The following CEP250 variants were observed in gnomAD, a reference collection of about 807,000 sequenced individuals.
CEP250 encodes centrosomal protein 250.
In CEP250, 242 loss-of-function variants were observed where a neutral mutation model predicts 315.7. The observed-to-expected ratio is 0.77, with a 90% CI of 0.69 to 0.85. The LOEUF (loss-of-function observed/expected upper bound fraction) is 0.85, where lower values mean the gene tolerates loss of function less well. Among genes scored for constraint, CEP250 ranks in the 40% least tolerant of loss-of-function variants. The pLI, the probability that CEP250 is intolerant of heterozygous loss-of-function variation, is 0.00. For synonymous variants in CEP250, 1,088 were observed against 1,175.0 expected (o/e 0.93, Z 1.51); for missense variants, 2,515 against 2,886.4 (o/e 0.87, Z 2.95).
chr20:35,506,658 T>C (rs1365260027), intron 30 of CEP250, among the ~76,000 whole-genome samples: 1 of 152,122 alleles, frequency 6.6e-6, no homozygotes, highest in Non-Finnish European at 1.5e-5. Flanking sequence ...TGAAGGGCAA[T>C]ATGAGGAGAA....
chr20:35,503,535 G>A lies in CEP250; in HGVS notation c.5166G>A (p.Gly1722=), dbSNP rs769879588. ...EGKGPSKAQR[G]SLEHMKLILR... is the part of the protein sequence containing the mutation. ...AGGGCCCAAGTAAAGCACAGCGCGG[G>A]AGCCTAGAGCACATGAAGCTGATCC... Residue 1722 remains glycine, a synonymous_variant, in exon 30 of 35, where the codon GGG becomes GGA. Transcript: ENST00000397527. This position sits in a 1 kb window ranked among gnomAD's most constrained non-coding sequence, Gnocchi z 4.2. 6.2e-7 allele frequency: 1 copy of A among 1,614,066 alleles called. No homozygotes were observed. The highest frequency in any genetic ancestry group is 1.1e-5 in the South Asian group (1 of 91,078).
At chr20:35,476,244 A>C (rs1432432478) in intron 15 of CEP250, 3 of 470,240 alleles carry the variant, frequency 6.4e-6, no homozygotes, top group Non-Finnish European at 1.1e-5. Flanking sequence ...TCATTTCTCT[A>C]TCCTAACTTT....
chr20:35,499,914 A>G, intron 27 of CEP250, 135 bp from the exon 28 acceptor site: 1 of 1,076,074 alleles, frequency 9.3e-7, no homozygotes, highest in Non-Finnish European at 1.4e-6. Flanking sequence ...GTTTAAAGGA[A>G]GTAACCCGGC....
intron 16 of CEP250, 148 bp from the exon 17 acceptor site, chr20:35,477,723 A>G (rs959146646): frequency 1.3e-4 from 89 of 677,582 alleles, no homozygotes; most frequent in Admixed American, 6.5e-4. Context: ...AGATCAAATG[A>G]ATGGATTTTC....
chr20:35,511,953 A>C lies in CEP250; in HGVS notation c.*327A>C. On this transcript the variant is annotated 3_prime_UTR_variant, in exon 35 of 35. Transcript: ENST00000397527. Reference sequence around the variant, plus strand: ...TCCTTCATCTTCTCCTTCAACAATAAACCCTGGGATCTTTGCATTCATTTT... The same window carrying C: ...TCCTTCATCTTCTCCTTCAACAATACACCCTGGGATCTTTGCATTCATTTT... 3 of 1,125,998 alleles carry C rather than the reference A, an allele frequency of 2.7e-6. No individual in the cohort carries two copies. Among genetic ancestry groups the C allele is most frequent in the East Asian group, 5.2e-5 (1 of 19,182 alleles). The allele number at this position is 1,125,998 out of a possible 1,614,324, so 69.8% of individuals were successfully genotyped here.
intron 24 of CEP250, among the ~76,000 whole-genome samples, 165 bp from the exon 25 acceptor site, chr20:35,496,412 T>C (rs1019735918): frequency 1.3e-5 from 2 of 152,140 alleles, no homozygotes; most frequent in South Asian, 2.1e-4. Context: ...GGAGCACTTA[T>C]TATAGTAAGT....
At chr20:35,463,781 A>C (rs2062811638) in intron 5 of CEP250, 150 bp downstream of exon 5, 1 of 507,630 alleles carries the variant, frequency 2.0e-6, no homozygotes, top group Admixed American at 4.2e-5. Context: ...TATCACACTG[A>C]TATCTTCATT....
intron 20 of CEP250, among the ~76,000 whole-genome samples, chr20:35,481,878 T>A (rs987324798): frequency 1.3e-5 from 2 of 152,046 alleles, no homozygotes; most frequent in African/African-American, 4.8e-5. Context: ...AATTTTATTT[T>A]TGGTAGAGAC....
rs1325325900 is a variant in CEP250, at chr20:35,459,050, C to T, written c.-227+676C>T. ...TGGACAGTGTTGGCCAGGCTGGTCT[C>T]GAACTCCTGACCTCAAGTGATCCGC... On this transcript the variant is annotated intron_variant, in intron 2 of 34. Transcript: ENST00000397527. Among the ~76,000 whole-genome samples the T allele has an allele frequency of 3.3e-5, 4 of 122,988 alleles. No homozygotes were observed. In the East Asian group the frequency reaches 7.8e-4, roughly 24 times the overall value. The allele number at this position is 122,988 out of a possible 152,430, so 80.7% of individuals were successfully genotyped here. A position where few individuals can be genotyped will look rare whatever the true frequency, so the allele number is the denominator to read the frequency against.
At position 35,490,754 on chromosome 20, in the gene CEP250, C is replaced by T. The variant is rs1374427601; in HGVS notation, c.2704C>T (p.Gln902Ter). The part of the protein sequence containing the change: ...KEQQTEMEAI[Q>*]AQREEERTQA... Reference sequence around the variant, plus strand: ...GCAGCAGACAGAAATGGAGGCCATCCAGGCCCAGAGGGAAGAAGAACGGAC... The same window carrying T: ...GCAGCAGACAGAAATGGAGGCCATCTAGGCCCAGAGGGAAGAAGAACGGAC... The change falls in exon 21 of 35, where the codon CAG (glutamine) becomes TAG (stop). Residue 902 changes from glutamine (Q) to a stop codon, truncating the protein, a stop_gained. Coordinates refer to ENST00000397527, the MANE Select transcript of CEP250 (RefSeq NM_007186.6). LOFTEE classifies it high-confidence loss of function. 3.1e-6 allele frequency: 5 copies of T among 1,613,826 alleles called. No individual in the cohort carries two copies. Among genetic ancestry groups the T allele is most frequent in the Non-Finnish European group, 4.2e-6 (5 of 1,179,972 alleles).
At chr20:35,489,897 A>G (rs1486222567) in intron 20 of CEP250, among the ~76,000 whole-genome samples, 1 of 152,106 alleles carries the variant, frequency 6.6e-6, no homozygotes, top group Non-Finnish European at 1.5e-5. Context: ...ACAAATACGG[A>G]GCTGTGTGTG....
At position 35,473,313 on chromosome 20, in the gene CEP250, G is replaced by C. The variant is rs2063072437; in HGVS notation, c.1210-61G>C. 2.0e-6 allele frequency: 3 copies of C among 1,483,908 alleles called. No homozygotes were observed. The African/African-American group carries it at 4.2e-5, about 21-fold the overall frequency. The allele number at this position is 1,483,908 out of a possible 1,614,324, so 91.9% of individuals were successfully genotyped here. A position where few individuals can be genotyped will look rare whatever the true frequency, so the allele number is the denominator to read the frequency against. ...CCCCTTCTCCAGCCCCACTTTCGGGGTTCTGACATCCCTCCTTTGCCCTTG... is the reference window on the plus strand; with the variant it reads ...CCCCTTCTCCAGCCCCACTTTCGGGCTTCTGACATCCCTCCTTTGCCCTTG... On this transcript the variant is annotated intron_variant, in intron 12 of 34. Coordinates refer to ENST00000397527, the MANE Select transcript of CEP250 (RefSeq NM_007186.6).
Position 35,497,781 on chromosome 20 carries a change from G to C in CEP250, c.3369G>C (p.Gln1123His), listed in dbSNP as rs1454881312. 6.4e-7 allele frequency: 1 copy of C among 1,560,830 alleles called. No individual in the cohort carries two copies. The highest frequency in any genetic ancestry group is 1.4e-5 in the African/African-American group (1 of 73,584). The stretch of plus-strand genomic sequence containing the variant: ...CTGACTTTCTGGCCCAGGAAGCACA[G>C]CTGCTGGAGGAGCTGGAGGCGTCTC... ...KEADFLAQEA[Q>H]LLEELEASHI... Residue 1123 changes from glutamine to histidine, a missense_variant, in exon 26 of 35, where the codon CAG becomes CAC. Transcript: ENST00000397527.
chr20:35,466,868 C>G, intron 7 of CEP250, 98 bp from the exon 8 acceptor site: 1 of 746,838 alleles, frequency 1.3e-6, no homozygotes, highest in South Asian at 1.5e-5. Flanking sequence ...GTAAGTCCCT[C>G]CTTCCTTCCC....
intron 14 of CEP250, among the ~76,000 whole-genome samples, chr20:35,474,537 G>A (rs921872317): frequency 3.3e-5 from 5 of 152,160 alleles, no homozygotes; most frequent in African/African-American, 4.8e-5. Flanking sequence ...AAGAAAAGGC[G>A]GCAGGAAGGT....
chr20:35,481,829 A>G (rs2063352806), intron 20 of CEP250, among the ~76,000 whole-genome samples: 1 of 152,056 alleles, frequency 6.6e-6, no homozygotes, highest in Non-Finnish European at 1.5e-5. Flanking sequence ...CAGCCTCCCA[A>G]GTAGCTGGGA....
At chr20:35,508,328 T>TC (rs1411130738) in intron 32 of CEP250, 138 bp downstream of exon 32, 11 of 939,378 alleles carry the variant, frequency 1.2e-5, no homozygotes, top group Non-Finnish European at 1.4e-5. Context: ...TTTTTTTTTT[T>TC]CCCGAGACAG....
intron 33 of CEP250, among the ~76,000 whole-genome samples, 183 bp from the exon 34 acceptor site, chr20:35,509,815 G>A (rs1409718826): frequency 2.0e-5 from 3 of 152,242 alleles, no homozygotes; most frequent in Non-Finnish European, 4.4e-5. Flanking sequence ...CATTATGCTG[G>A]TGTGGGGCCT....
chr20:35,500,653 C>T (rs993224297), intron 28 of CEP250, among the ~76,000 whole-genome samples: 1 of 152,216 alleles, frequency 6.6e-6, no homozygotes, highest in Non-Finnish European at 1.5e-5. Flanking sequence ...TCAAGTGATC[C>T]GCCTGCCTCG....
Sources: allele counts gnomAD v4.1 joint callset (sites outside exome capture counted in the v4.1 genomes callset), GRCh38; gene constraint gnomAD v4.1.1; non-coding constraint Gnocchi (gnomAD v3.1); transcripts MANE v1.5; gene names NCBI Gene and HGNC (gene_info 2026-07-23, HGNC 2026-07-21).